Variants in TEKTL1 observed in about 807,000 individuals in gnomAD.
TEKTL1 encodes tektin like 1.
chr19:15,022,722 G>GTTT, the TEKTL1 span: 1,828 of 520,858 alleles, frequency 3.5e-3, no homozygotes, highest in Non-Finnish European at 4.3e-3. Context: ...CCCTGTCGCG[G>GTTT]TTTTTTTTTT....
the TEKTL1 span, chr19:15,020,435 T>C: frequency 6.2e-7 from 1 of 1,603,176 alleles, no homozygotes; most frequent in South Asian, 1.1e-5. Flanking sequence ...GTTCTCACTC[T>C]GTCTTCTCCT....
At chr19:15,010,857 G>A in the TEKTL1 span, 4 of 1,550,950 alleles carry the variant, frequency 2.6e-6, no homozygotes, top group Admixed American at 1.9e-5. Flanking sequence ...GCTGAGCGCA[G>A]CCAGGACACA....
the TEKTL1 span, chr19:15,011,069 G>T: frequency 1.3e-6 from 2 of 1,575,954 alleles, no homozygotes; most frequent in Non-Finnish European, 1.7e-6. Flanking sequence ...CAAAGGCGGC[G>T]GCACCTTGGA....
the TEKTL1 span, among the ~76,000 whole-genome samples, chr19:15,015,289 A>G: frequency 0.37 from 56,071 of 152,034 alleles, 11,268 homozygotes; most frequent in East Asian, 0.73. Flanking sequence ...AAAAATACTT[A>G]CCACCAATCA....
At chr19:15,021,575 C>A in the TEKTL1 span, 1 of 1,613,412 alleles carries the variant, frequency 6.2e-7, no homozygotes, top group South Asian at 1.1e-5. Context: ...GAGACGCGGA[C>A]TGGGAGCCAG....
chr19:15,021,733 T>C, the TEKTL1 span: 463,155 of 1,612,834 alleles, frequency 0.29, 70,355 homozygotes, highest in Non-Finnish European at 0.32. Context: ...GGTGAGAGCC[T>C]TCGGGGGTGG....
the TEKTL1 span, among the ~76,000 whole-genome samples, chr19:15,019,919 A>G: frequency 1.3e-5 from 2 of 151,080 alleles, no homozygotes; most frequent in Non-Finnish European, 3.0e-5. Context: ...GTGAGTTACG[A>G]TTCCACCACT....
chr19:15,019,186 C>T, the TEKTL1 span, among the ~76,000 whole-genome samples: 570 of 152,182 alleles, frequency 3.7e-3, 4 homozygotes, highest in African/African-American at 0.013. Context: ...TAGGCTCAAG[C>T]GATCCTCCCA....
the TEKTL1 span, among the ~76,000 whole-genome samples, chr19:15,019,971 AT>A: frequency 1.2e-4 from 18 of 151,208 alleles, no homozygotes; most frequent in South Asian, 1.0e-3. Context: ...ACAAAAAAAA[AT>A]AATATATATA....
the TEKTL1 span, chr19:15,023,023 G>A: frequency 6.2e-7 from 1 of 1,612,636 alleles, no homozygotes; most frequent in South Asian, 1.1e-5. Flanking sequence ...TGCGCCAGCG[G>A]CAACCGCACG....
the TEKTL1 span, chr19:15,021,354 G>A: frequency 2.5e-6 from 4 of 1,613,866 alleles, no homozygotes; most frequent in Admixed American, 5.0e-5. Flanking sequence ...CATTTGCAGC[G>A]TGCGCCTTGG....
chr19:15,023,050 G>C, the TEKTL1 span: 10 of 1,611,780 alleles, frequency 6.2e-6, no homozygotes, highest in African/African-American at 1.2e-4. Flanking sequence ...ACGAGCAGGC[G>C]CAGCGCCTGG....
chr19:15,015,971 C>G, the TEKTL1 span, among the ~76,000 whole-genome samples: 1 of 152,250 alleles, frequency 6.6e-6, no homozygotes, highest in South Asian at 2.1e-4. Context: ...CAGGCAGGCT[C>G]CTCAGCTAAA....
chr19:15,021,522 G>A, the TEKTL1 span: 1 of 1,614,070 alleles, frequency 6.2e-7, no homozygotes, highest in Non-Finnish European at 8.5e-7. Flanking sequence ...AGCTGAAGGT[G>A]AGCGCATTAC....
the TEKTL1 span, chr19:15,010,780 G>A: frequency 3.4e-6 from 5 of 1,477,510 alleles, no homozygotes; most frequent in Admixed American, 6.9e-5. Flanking sequence ...GGTCCCTTCC[G>A]CTCCGCCTAG....
chr19:15,011,154 C>A, the TEKTL1 span: 147 of 1,528,216 alleles, frequency 9.6e-5, no homozygotes, highest in Admixed American at 1.6e-3. Flanking sequence ...GCCCGCCTGC[C>A]GCTACCCTTG....
the TEKTL1 span, among the ~76,000 whole-genome samples, chr19:15,017,758 C>A: frequency 6.6e-6 from 1 of 152,150 alleles, no homozygotes; most frequent in Non-Finnish European, 1.5e-5. Flanking sequence ...AATTGACACC[C>A]AGCACAGGGA....
At chr19:15,022,907 G>A in the TEKTL1 span, 14 of 1,603,880 alleles carry the variant, frequency 8.7e-6, no homozygotes, top group South Asian at 6.7e-5. Context: ...CACGTACCTG[G>A]AAAAGAACCT....
At chr19:15,022,921 C>G in the TEKTL1 span, 4,410 of 1,607,662 alleles carry the variant, frequency 2.7e-3, 181 homozygotes, top group East Asian at 0.086. Context: ...AGAACCTGGA[C>G]GAGCTGCTCG....
Sources: allele counts gnomAD v4.1 joint callset (sites outside exome capture counted in the v4.1 genomes callset), GRCh38; gene constraint gnomAD v4.1.1; transcripts MANE v1.5; gene names NCBI Gene and HGNC (gene_info 2026-07-23, HGNC 2026-07-21).